Variants in ATP11B observed in about 807,000 individuals in gnomAD.
The protein encoded by ATP11B is ATPase phospholipid transporting 11B (putative), also known as phospholipid-transporting ATPase IF.
A neutral mutation model predicts 157.8 loss-of-function variants in ATP11B; 81 were observed. The ratio of observed to expected loss-of-function variants is 0.51; its 90% CI spans 0.43 to 0.62. The LOEUF is 0.62. Ranked by LOEUF, ATP11B falls within the 20% of genes least tolerant of loss-of-function variation. The pLI is 0.00. For missense variants in ATP11B, 1,165 were observed against 1,402.2 expected (o/e 0.83, Z 2.70); for synonymous variants, 451 against 469.4 (o/e 0.96, Z 0.51).
Position 182,793,522 on chromosome 3 carries a change from G to T in ATP11B, c.-238G>T. ...AACGGTCAATAATGAAGGTGGCTGC[G>T]GCGCGGCGGCAGGCTCAGCTGCGCC... is the stretch of plus-strand genomic sequence containing the variant. On this transcript the variant is annotated 5_prime_UTR_variant, in exon 1 of 30. Coordinates refer to ENST00000323116, the MANE Select transcript of ATP11B (RefSeq NM_014616.3). The T allele has an allele frequency of 2.9e-6, 1 of 350,098 alleles. No homozygotes were observed. Among genetic ancestry groups the T allele is most frequent in the Non-Finnish European group, 5.1e-6 (1 of 195,786 alleles). The allele number at this position is 350,098 out of a possible 1,614,324, so 21.7% of individuals were successfully genotyped here. A position where few individuals can be genotyped will look rare whatever the true frequency, so the allele number is the denominator to read the frequency against.
intron 21 of ATP11B, among the ~76,000 whole-genome samples, chr3:182,882,518 G>A (rs1373773092): frequency 1.3e-5 from 2 of 150,754 alleles, no homozygotes; most frequent in Non-Finnish European, 1.5e-5. Context: ...AAAAAAAAAA[G>A]AGAAGTTGAG....
rs1052593901 is a variant in ATP11B at position 182,874,004 on chromosome 3, G to T, written c.2241G>T (p.Gln747His). Residue 747 changes from glutamine (Q) to histidine (H), a missense_variant, in exon 19 of 30, where the codon CAG becomes CAT. This residue lies in a region of ATP11B where 737 missense variants were observed against 930.5 expected (regional missense o/e 0.79). Coordinates refer to ENST00000323116, the MANE Select transcript of ATP11B (RefSeq NM_014616.3). ...GCGAGTGTGCTGAACAATTGAGGCA[G>T]CTTGCCAGAAGGTAAGAATATAGGA... Reference protein sequence around the residue: ...SDSECAEQLRQLARRITEDHV... With the variant: ...SDSECAEQLRHLARRITEDHV... The T allele has an allele frequency of 3.7e-6, 6 of 1,613,654 alleles. No homozygotes were observed. The highest frequency in any genetic ancestry group is 1.3e-5 in the African/African-American group (1 of 74,912).
intron 8 of ATP11B, 68 bp from the exon 9 acceptor site, chr3:182,845,390 A>G (rs999237620): frequency 1.5e-6 from 2 of 1,321,770 alleles, no homozygotes; most frequent in African/African-American, 1.5e-5. Flanking sequence ...TCTGCTGAAG[A>G]TGCCATTTCA....
intron 1 of ATP11B, among the ~76,000 whole-genome samples, chr3:182,794,820 C>T (rs1480748123): frequency 6.6e-6 from 1 of 152,204 alleles, no homozygotes; most frequent in African/African-American, 2.4e-5. Flanking sequence ...TTCTAAATCG[C>T]ATTAACTTAA....
intron 28 of ATP11B, among the ~76,000 whole-genome samples, chr3:182,900,996 A>G (rs6774907): frequency 0.29 from 43,593 of 151,726 alleles, 6,702 homozygotes; most frequent in East Asian, 0.56. Context: ...CCTGGCCAAC[A>G]TGGTGAAACA....
chr3:182,895,251 G>A (rs1170514232), intron 25 of ATP11B, among the ~76,000 whole-genome samples: 2 of 151,806 alleles, frequency 1.3e-5, no homozygotes, highest in African/African-American at 4.8e-5. Flanking sequence ...GATGATAAAA[G>A]CAGACAGCAG....
rs1413329210 is a variant in ATP11B, at chr3:182,918,913, G to T, written c.*809G>T. ...ACTATTAGCATATTATTAATTTAATGTCTTTATCATTGGATCTTTTGCATG... is the reference window on the plus strand; with the variant it reads ...ACTATTAGCATATTATTAATTTAATTTCTTTATCATTGGATCTTTTGCATG... On this transcript the variant is annotated 3_prime_UTR_variant, in exon 30 of 30. Coordinates refer to ENST00000323116, the MANE Select transcript of ATP11B (RefSeq NM_014616.3). 5 of 152,056 alleles carry T rather than the reference G, an allele frequency of 3.3e-5. No homozygotes were observed. The highest frequency in any genetic ancestry group is 7.4e-5 in the Non-Finnish European group (5 of 68,002). The allele number at this position is 152,056 out of a possible 1,614,324, so 9.4% of individuals were successfully genotyped here.
rs71183649 is a variant in ATP11B at position 182,854,752 on chromosome 3, TACACACACACACACACACACAC to T, written c.852-3099_852-3078del. Among the ~76,000 whole-genome samples, 695 of 145,708 alleles carry T rather than the reference TACACACACACACACACACACAC, an allele frequency of 4.8e-3. 6 individuals are homozygous for T. The highest frequency in any genetic ancestry group is 0.024 in the Middle Eastern group (7 of 290). The stretch of plus-strand genomic sequence containing the variant: ...TATATAATATATATGTGCATGTGTT[TACACACACACACACACACACAC>T]ACACACACACACACACACACACACA... On this transcript the variant is annotated intron_variant, in intron 10 of 29. Transcript: ENST00000323116.
intron 25 of ATP11B, among the ~76,000 whole-genome samples, 159 bp downstream of exon 25, chr3:182,889,707 T>C (rs980876890): frequency 7.9e-5 from 12 of 152,348 alleles, no homozygotes; most frequent in African/African-American, 2.9e-4. Context: ...TAAAGTTTCA[T>C]ACAAGTGAAA....
chr3:182,906,986 G>A (rs1057065410), intron 28 of ATP11B, among the ~76,000 whole-genome samples: 3 of 151,710 alleles, frequency 2.0e-5, no homozygotes, highest in Admixed American at 6.6e-5. Flanking sequence ...CCAGCTACTC[G>A]GGAGGCTGAG....
intron 28 of ATP11B, among the ~76,000 whole-genome samples, chr3:182,909,074 G>A (rs919670774): frequency 4.6e-5 from 7 of 152,150 alleles, no homozygotes; most frequent in African/African-American, 7.2e-5. Flanking sequence ...TGTCATAGGT[G>A]TGACTAAAAA....
At chr3:182,818,507 A>G (rs925852516) in intron 1 of ATP11B, among the ~76,000 whole-genome samples, 4 of 152,214 alleles carry the variant, frequency 2.6e-5, no homozygotes, top group Non-Finnish European at 4.4e-5. Flanking sequence ...GGGTAGAAAA[A>G]TCTTAGGACT....
chr3:182,874,042 C>T, intron 19 of ATP11B, 27 bp downstream of exon 19: 1 of 1,599,266 alleles, frequency 6.3e-7, no homozygotes, highest in Admixed American at 1.7e-5. Context: ...CTGTATCATA[C>T]CTTTCAGGGG....
At chr3:182,893,496 C>T (rs1723313849) in intron 25 of ATP11B, among the ~76,000 whole-genome samples, 1 of 152,146 alleles carries the variant, frequency 6.6e-6, no homozygotes, top group Admixed American at 6.5e-5. Context: ...CAATTCCATC[C>T]AGTTTCCTGT....
At chr3:182,881,659 A>G (rs1039058042) in intron 21 of ATP11B, among the ~76,000 whole-genome samples, 7 of 152,212 alleles carry the variant, frequency 4.6e-5, no homozygotes, top group African/African-American at 7.2e-5. Context: ...ATCTTTGCCG[A>G]TTATTTTTCA....
At chr3:182,794,563 T>G (rs543450373) in intron 1 of ATP11B, among the ~76,000 whole-genome samples, 1 of 152,266 alleles carries the variant, frequency 6.6e-6, no homozygotes, top group East Asian at 1.9e-4. Flanking sequence ...GAAGGAATAG[T>G]TAACTCTCCA....
At chr3:182,805,990 CATT>C (rs1453210116) in intron 1 of ATP11B, among the ~76,000 whole-genome samples, 4 of 152,252 alleles carry the variant, frequency 2.6e-5, no homozygotes, top group East Asian at 1.9e-4. Flanking sequence ...ATCTTTTACT[CATT>C]ATTGTTTCTT....
chr3:182,817,481 A>G (rs1381873899), intron 1 of ATP11B, among the ~76,000 whole-genome samples: 1 of 152,102 alleles, frequency 6.6e-6, no homozygotes, highest in African/African-American at 2.4e-5. Context: ...GAGTTTCACC[A>G]TGTTGGCCAG....
Position 182,914,712 on chromosome 3 carries a change from G to GA in ATP11B, c.3452+726dup, listed in dbSNP as rs1238569465. The GA allele has an allele frequency of 4.5e-5, 44 of 984,302 alleles. 1 individual carries two copies. In the South Asian group the frequency reaches 8.5e-4, roughly 19 times the overall value. 61.0% of individuals were successfully genotyped at this position (984,302 alleles called of 1,614,324 possible). ...CATGCCTGCTGTTGTGCACCATAAC[G>GA]AAAAAAAACACCTTTTGGTAAACAC... On this transcript the variant is annotated intron_variant, in intron 29 of 29. Transcript: ENST00000323116.
Sources: allele counts gnomAD v4.1 joint callset (sites outside exome capture counted in the v4.1 genomes callset), GRCh38; gene constraint gnomAD v4.1.1; regional missense constraint gnomAD v4.1.1; transcripts MANE v1.5; gene names NCBI Gene and HGNC (gene_info 2026-07-23, HGNC 2026-07-21).